STX17: variants seen among roughly 807,000 people sequenced by gnomAD.
The protein encoded by STX17 is syntaxin-17.
Under a neutral mutation model 35.9 loss-of-function variants are expected in STX17, and 29 were observed. The ratio of observed to expected loss-of-function variants is 0.81; its 90% CI spans 0.60 to 1.10. The LOEUF (loss-of-function observed/expected upper bound fraction) is 1.10. Among genes scored for constraint, STX17 ranks in the 50% least tolerant of loss-of-function variants. STX17 has a pLI of 0.00. For synonymous variants in STX17, 92 were observed against 118.3 expected (o/e 0.78, Z 1.44); for missense variants, 312 against 352.3 (o/e 0.89, Z 0.92).
chr9:99,914,030 C>G (rs562995305), intron 1 of STX17: 6 of 146,166 alleles, frequency 4.1e-5, no homozygotes, highest in African/African-American at 1.5e-4. Flanking sequence ...GCCATGAACT[C>G]CTGGGCTCAA....
intron 2 of STX17, among the ~76,000 whole-genome samples, chr9:99,917,312 T>C (rs1055165798): frequency 2.6e-5 from 4 of 152,178 alleles, no homozygotes; most frequent in Admixed American, 6.5e-5. Context: ...TTAATAGATA[T>C]GTTATGGAAA....
intron 1 of STX17, among the ~76,000 whole-genome samples, chr9:99,908,078 G>A (rs942352211): frequency 1.1e-4 from 17 of 152,110 alleles, no homozygotes; most frequent in Admixed American, 8.5e-4. Context: ...TTAGATTAAG[G>A]TTATACATTT....
chr9:99,967,411 G>A (rs923033264), intron 6 of STX17: 15 of 340,926 alleles, frequency 4.4e-5, no homozygotes, highest in Admixed American at 4.1e-4. Flanking sequence ...GAATTTTAGC[G>A]TGAGATGCTT....
At chr9:99,921,717 G>A (rs1412978275) in intron 2 of STX17, among the ~76,000 whole-genome samples, 1 of 151,642 alleles carries the variant, frequency 6.6e-6, no homozygotes, top group African/African-American at 2.4e-5. Context: ...ATATTTGCAA[G>A]TCTTTAGGAA....
chr9:99,920,686 T>C (rs575543698), intron 2 of STX17, among the ~76,000 whole-genome samples: 1 of 152,310 alleles, frequency 6.6e-6, no homozygotes, highest in African/African-American at 2.4e-5. Context: ...AAAGTAGTGC[T>C]GTTTAGCAAT....
chr9:99,943,295 G>A (rs1018377121), intron 3 of STX17, among the ~76,000 whole-genome samples: 1 of 147,712 alleles, frequency 6.8e-6, no homozygotes, highest in African/African-American at 2.5e-5. Context: ...CACCTCGCCC[G>A]GCTGATTTTT....
intron 1 of STX17, chr9:99,914,204 A>T (rs1828719460): frequency 6.6e-6 from 1 of 152,222 alleles, no homozygotes; most frequent in Non-Finnish European, 1.5e-5. Flanking sequence ...ATAACTCAGC[A>T]GTATTAACAT....
At chr9:99,961,894 T>C (rs963609844) in intron 6 of STX17, among the ~76,000 whole-genome samples, 7 of 152,180 alleles carry the variant, frequency 4.6e-5, no homozygotes, top group Admixed American at 6.5e-5. Context: ...CTATTGCATT[T>C]GGAGGGTCTA....
chr9:99,972,055 C>T lies in STX17; in HGVS notation c.*3382C>T, dbSNP rs1354707629. ...AAACAGGCTTTGAAATGACACATTC[C>T]ATTCATTTGCATCTTTTTAAAAAAC... On this transcript the variant is annotated 3_prime_UTR_variant, in exon 8 of 8. Transcript: ENST00000259400. Among the ~76,000 whole-genome samples, 1 of 152,146 alleles carries T rather than the reference C, an allele frequency of 6.6e-6. No homozygotes were observed. The highest frequency in any genetic ancestry group is 1.5e-5 in the Non-Finnish European group (1 of 68,036).
intron 3 of STX17, chr9:99,945,927 A>G (rs913566572): frequency 1.2e-5 from 2 of 160,518 alleles, no homozygotes; most frequent in African/African-American, 4.8e-5. Flanking sequence ...ACTAAAATAC[A>G]AAAAAATTAG....
Position 99,915,332 on chromosome 9 carries a change from G to A in STX17, c.93G>A (p.Arg31=). The part of the protein sequence containing the change: ...IKIVIPTDLE[R]LRKHQINIEK... ...TAGTAATCCCAACAGACCTGGAAAG[G>A]TTAAGAAAGCACCAGATAAATATTG... The change falls in exon 2 of 8, where the codon AGG becomes AGA. Residue 31 remains arginine (R), a synonymous_variant. Coordinates refer to ENST00000259400, the MANE Select transcript of STX17 (RefSeq NM_017919.3). 1 of 1,610,028 alleles carries A rather than the reference G, an allele frequency of 6.2e-7. No homozygotes were observed. Among genetic ancestry groups the A allele is most frequent in the East Asian group, 2.2e-5 (1 of 44,606 alleles).
At chr9:99,941,174 C>G (rs1352750722) in intron 3 of STX17, among the ~76,000 whole-genome samples, 2 of 152,160 alleles carry the variant, frequency 1.3e-5, no homozygotes, top group Non-Finnish European at 2.9e-5. Flanking sequence ...CCACTTTTTG[C>G]AAAGTATTAA....
At chr9:99,955,338 T>C (rs1181266364) in intron 4 of STX17, among the ~76,000 whole-genome samples, 1 of 152,052 alleles carries the variant, frequency 6.6e-6, no homozygotes, top group Non-Finnish European at 1.5e-5. Context: ...ATGTAGATGG[T>C]TTGTATTATA....
intron 4 of STX17, among the ~76,000 whole-genome samples, chr9:99,952,233 A>G (rs1374909299): frequency 6.6e-6 from 1 of 152,184 alleles, no homozygotes; most frequent in Non-Finnish European, 1.5e-5. Flanking sequence ...ATGAACAGAC[A>G]CTTCTCAAAA....
In STX17 at chr9:99,967,709, T is replaced by C. The variant is rs1331264842; in HGVS notation, c.639T>C (p.Asn213=). The C allele has an allele frequency of 2.5e-6, 4 of 1,613,964 alleles. No individual in the cohort carries two copies. The South Asian group carries it at 4.4e-5, about 18-fold the overall frequency. The change falls in exon 7 of 8, where the codon AAT becomes AAC. Residue 213 remains asparagine, a synonymous_variant. Coordinates refer to ENST00000259400, the MANE Select transcript of STX17 (RefSeq NM_017919.3). The stretch of plus-strand genomic sequence containing the variant: ...ACCATGTCAACAGTGCTGCTGTGAA[T>C]GTTGAAGAGGGAACCAAAAACTTAG... ...IADHVNSAAV[N]VEEGTKNLGK... is the part of the protein sequence containing the mutation.
At chr9:99,956,369 A>G (rs1342277844) in intron 4 of STX17, among the ~76,000 whole-genome samples, 1 of 152,126 alleles carries the variant, frequency 6.6e-6, no homozygotes, top group East Asian at 1.9e-4. Flanking sequence ...TACATAAATT[A>G]TGGCTTTAAA....
At chr9:99,928,685 A>G (rs1829039654) in intron 2 of STX17, 93 bp from the exon 3 acceptor site, 1 of 1,006,218 alleles carries the variant, frequency 9.9e-7, no homozygotes, top group Non-Finnish European at 1.6e-6. Flanking sequence ...TAGTATGTTT[A>G]AGTTTGGGTG....
intron 3 of STX17, among the ~76,000 whole-genome samples, chr9:99,932,137 G>C (rs1406826600): frequency 6.6e-6 from 1 of 152,120 alleles, no homozygotes; most frequent in East Asian, 1.9e-4. Flanking sequence ...ATTCAGTACA[G>C]GCTTTTTAGC....
In STX17 at chr9:99,948,418, G is replaced by A. The variant is rs10217368; in HGVS notation, c.190-2642G>A. 4.7e-3 allele frequency among the ~76,000 whole-genome samples: 710 copies of A among 151,954 alleles called. 6 individuals carry two copies. Among genetic ancestry groups the A allele is most frequent in the African/African-American group, 0.016 (664 of 41,440 alleles). ...TTTTTAAATTACATATGTGGCTTGT[G>A]TGTGTGATTTGCATTATGTTTGTGT... On this transcript the variant is annotated intron_variant, in intron 3 of 7. Transcript: ENST00000259400.
Sources: allele counts gnomAD v4.1 joint callset (sites outside exome capture counted in the v4.1 genomes callset), GRCh38; gene constraint gnomAD v4.1.1; transcripts MANE v1.5; gene names NCBI Gene and HGNC (gene_info 2026-07-23, HGNC 2026-07-21).